The following ERC1 variants were observed in gnomAD, a reference collection of about 807,000 sequenced individuals.
The protein encoded by ERC1 is RAB6 interacting protein 2.
A neutral mutation model predicts 132.0 loss-of-function variants in ERC1; 56 were observed. The observed-to-expected ratio is 0.42, with a 90% confidence interval of 0.34 to 0.53. The LOEUF (loss-of-function observed/expected upper bound fraction) is 0.53, where lower values mean the gene tolerates loss of function less well. Ranked by LOEUF, ERC1 falls within the 20% of genes least tolerant of loss-of-function variation. ERC1 has a pLI of 0.03. For missense variants in ERC1, 1,202 were observed against 1,349.9 expected (o/e 0.89, Z 1.72); for synonymous variants, 478 against 476.1 (o/e 1.00, Z -0.05).
Position 1,493,083 on chromosome 12 carries a change from C to T in ERC1, c.*2853C>T, listed in dbSNP as rs965094112. The T allele has an allele frequency of 1.4e-4, 30 of 220,374 alleles. No homozygotes were observed. The highest frequency in any genetic ancestry group is 2.6e-4 in the East Asian group (4 of 15,242). The allele number at this position is 220,374 out of a possible 1,614,324, so 13.7% of individuals were successfully genotyped here. On this transcript the variant is annotated 3_prime_UTR_variant, in exon 19 of 19. Coordinates refer to ENST00000360905, the MANE Select transcript of ERC1 (RefSeq NM_178040.4). ...CGAAGAAGAGTGGGTGTGATCCCAA[C>T]GGGGTTTTGTAACTGAAGAAGCCCA...
chr12:1,185,426 GT>G (rs940551847), intron 11 of ERC1, among the ~76,000 whole-genome samples: 7 of 134,420 alleles, frequency 5.2e-5, no homozygotes, highest in African/African-American at 1.3e-4. Flanking sequence ...TTTATTGAAG[GT>G]TTTTTTTTCA....
intron 15 of ERC1, among the ~76,000 whole-genome samples, chr12:1,345,474 C>G (rs941823544): frequency 6.6e-6 from 1 of 152,146 alleles, no homozygotes; most frequent in Non-Finnish European, 1.5e-5. Context: ...TGAGCCACCA[C>G]GCCTGGCCAG....
At chr12:1,146,985 G>A (rs960614108) in intron 8 of ERC1, among the ~76,000 whole-genome samples, 2 of 152,100 alleles carry the variant, frequency 1.3e-5, no homozygotes, top group Non-Finnish European at 2.9e-5. Context: ...AGTATTCCAT[G>A]GTGTATATGT....
chr12:1,142,048 A>G (rs1409463145), intron 8 of ERC1, among the ~76,000 whole-genome samples: 2 of 152,162 alleles, frequency 1.3e-5, no homozygotes, highest in African/African-American at 2.4e-5. Context: ...TAAATTGCCA[A>G]AGTGTTTGAA....
At chr12:1,190,981 A>G (rs1454052303) in intron 12 of ERC1, among the ~76,000 whole-genome samples, 1 of 151,986 alleles carries the variant, frequency 6.6e-6, no homozygotes, top group African/African-American at 2.4e-5. Context: ...GGTTAGTGGT[A>G]GACTTGATAC....
intron 2 of ERC1, among the ~76,000 whole-genome samples, chr12:1,078,653 A>G (rs1056591895): frequency 7.2e-5 from 11 of 152,170 alleles, no homozygotes; most frequent in African/African-American, 2.7e-4. Context: ...ACTTGGAAAA[A>G]TATTTGTAAC....
chr12:1,040,484 T>A (rs1261379975), intron 2 of ERC1, among the ~76,000 whole-genome samples: 2 of 152,084 alleles, frequency 1.3e-5, no homozygotes, highest in African/African-American at 2.4e-5. Context: ...TTTTTTGTAT[T>A]TTTAGTGGAG....
rs757401295 is a variant in ERC1 at position 1,370,700 on chromosome 12, G to T, written c.2781-1133G>T. 2.0e-4 allele frequency among the ~76,000 whole-genome samples: 31 copies of T among 152,030 alleles called. 1 individual carries two copies. The highest frequency in any genetic ancestry group is 2.4e-4 in the Non-Finnish European group (16 of 67,948). On this transcript the variant is annotated intron_variant, in intron 15 of 18. Transcript: ENST00000360905. Reference sequence around the variant, plus strand: ...GAAATACTAAGTTCTTACTAATATAGTTTTTTTTAAAAGGTTAACAATTTT... The same window carrying T: ...GAAATACTAAGTTCTTACTAATATATTTTTTTTTAAAAGGTTAACAATTTT...
At chr12:1,146,308 G>GTTTTTTTTTTTTTTTTTTTTTTTTTTTTT (rs1172108036) in intron 8 of ERC1, among the ~76,000 whole-genome samples, 3 of 31,794 alleles carry the variant, frequency 9.4e-5, no homozygotes, top group African/African-American at 2.5e-4. Context: ...TATTTTACTG[G>GTTTTTTTTTTTTTTTTTTTTTTTTTTTTT]TTTTTTTTTT....
chr12:1,218,631 C>G (rs1958647631), intron 12 of ERC1, among the ~76,000 whole-genome samples: 1 of 151,992 alleles, frequency 6.6e-6, no homozygotes, highest in South Asian at 2.1e-4. Flanking sequence ...TTCCATGGCC[C>G]CATCTTAACT....
intron 15 of ERC1, among the ~76,000 whole-genome samples, chr12:1,318,843 A>G (rs958152026): frequency 4.6e-5 from 7 of 151,812 alleles, no homozygotes; most frequent in African/African-American, 1.7e-4. Context: ...TGAGGCCTCC[A>G]CAGAGATCAG....
At chr12:1,168,363 A>G (rs749455781) in intron 8 of ERC1, among the ~76,000 whole-genome samples, 2 of 151,872 alleles carry the variant, frequency 1.3e-5, no homozygotes, top group Non-Finnish European at 2.9e-5. Context: ...GGATCAAGTG[A>G]TCTACCCGCG....
At chr12:1,189,049 T>C (rs1377857585) in intron 11 of ERC1, among the ~76,000 whole-genome samples, 1 of 152,182 alleles carries the variant, frequency 6.6e-6, no homozygotes, top group Non-Finnish European at 1.5e-5. Context: ...CAGATCTTAG[T>C]GTGGTTCTTT....
chr12:1,071,103 G>C (rs1940269224), intron 2 of ERC1, among the ~76,000 whole-genome samples: 2 of 152,162 alleles, frequency 1.3e-5, no homozygotes, highest in African/African-American at 4.8e-5. Flanking sequence ...ATCTTCTGTT[G>C]ATGGACATTT....
chr12:1,251,626 ACTC>A (rs2076474034), intron 13 of ERC1, among the ~76,000 whole-genome samples: 1 of 151,992 alleles, frequency 6.6e-6, no homozygotes, highest in African/African-American at 2.4e-5. Flanking sequence ...GCTTTTAAAA[ACTC>A]CTATCTCAAA....
In ERC1 at chr12:1,306,693, A is replaced by G. The variant is rs754634572; in HGVS notation, c.2780+16681A>G. On this transcript the variant is annotated intron_variant, in intron 15 of 18. Transcript: ENST00000360905. Reference sequence around the variant, plus strand: ...AGTGTGAAGCTGTCAGTAATTTCCAATTGTAGAAGAGGCCTAATCAGAAAG... The same window carrying G: ...AGTGTGAAGCTGTCAGTAATTTCCAGTTGTAGAAGAGGCCTAATCAGAAAG... Among the ~76,000 whole-genome samples, 6 of 152,174 alleles carry G rather than the reference A, an allele frequency of 3.9e-5. No individual in the cohort carries two copies. In the South Asian group the frequency reaches 6.2e-4, roughly 16 times the overall value.
rs577444039 is a variant in ERC1 at position 1,494,198 on chromosome 12, A to G, written c.*3968A>G. 6 of 232,280 alleles carry G rather than the reference A, an allele frequency of 2.6e-5. No individual in the cohort carries two copies. The highest frequency in any genetic ancestry group is 1.3e-4 in the African/African-American group (6 of 45,376). 14.4% of individuals were successfully genotyped at this position (232,280 alleles called of 1,614,324 possible). On this transcript the variant is annotated 3_prime_UTR_variant, in exon 19 of 19. Transcript: ENST00000360905. ...AACATCTGCTCCTGGCCTCCTCTTC[A>G]CCTGCCTGGGTTCGGAACTGAGGAG...
At chr12:1,363,681 G>C (rs1461595054) in intron 15 of ERC1, among the ~76,000 whole-genome samples, 4 of 151,100 alleles carry the variant, frequency 2.6e-5, no homozygotes, top group Admixed American at 2.6e-4. Context: ...CAGTCCCCCA[G>C]GTAGCTGGGA....
intron 12 of ERC1, among the ~76,000 whole-genome samples, chr12:1,209,174 G>A (rs1217482730): frequency 6.6e-6 from 1 of 151,944 alleles, no homozygotes; most frequent in African/African-American, 2.4e-5. Flanking sequence ...TCGCCACGTT[G>A]CTCAGGCTGG....
Sources: gnomAD v4.1 joint callset for allele counts (sites outside exome capture counted in the v4.1 genomes callset) on GRCh38, gnomAD v4.1.1 for gene constraint, MANE v1.5 for transcripts, NCBI Gene and HGNC (gene_info 2026-07-23, HGNC 2026-07-21) for gene names.